The following SGPP1 variants were observed in gnomAD, a reference collection of about 807,000 sequenced individuals.
SGPP1 encodes hSPP1.
Under a neutral mutation model 33.0 loss-of-function variants are expected in SGPP1, and 21 were observed. The observed-to-expected ratio is 0.64, with a 90% CI of 0.45 to 0.92. The LOEUF is 0.92. Among genes scored for constraint, SGPP1 ranks in the 40% least tolerant of loss-of-function variants. The probability of loss-of-function intolerance (pLI) is 0.00; values close to 1 mark genes in which losing one functional copy is unlikely to be tolerated. For synonymous variants in SGPP1, 239 were observed against 241.2 expected (o/e 0.99, Z 0.08); for missense variants, 543 against 589.4 (o/e 0.92, Z 0.81).
chr14:63,727,744 C>G lies in SGPP1; in HGVS notation c.201G>C (p.Gln67His). ...GRQPGAPGGP[Q>H]PPGSDRNQCP... ...ACTGATTGCGGTCGCTCCCGGGAGGCTGGGGGCCTCCAGGCGCCCCTGGCT... is the reference window on the plus strand; with the variant it reads ...ACTGATTGCGGTCGCTCCCGGGAGGGTGGGGGCCTCCAGGCGCCCCTGGCT... Residue 67 changes from glutamine (Q) to histidine (H), a missense_variant, in exon 1 of 3, where the codon CAG becomes CAC. Physicochemically the swap from Gln to His is conservative, Grantham distance 24. Coordinates refer to ENST00000247225, the MANE Select transcript of SGPP1 (RefSeq NM_030791.4). 5 of 1,477,860 alleles carry G rather than the reference C, an allele frequency of 3.4e-6. No individual in the cohort carries two copies. The highest frequency in any genetic ancestry group is 4.5e-6 in the Non-Finnish European group (5 of 1,121,436). 91.5% of individuals were successfully genotyped at this position (1,477,860 alleles called of 1,614,324 possible).
chr14:63,705,820 T>C (rs1479794903), intron 1 of SGPP1, among the ~76,000 whole-genome samples: 1 of 152,234 alleles, frequency 6.6e-6, no homozygotes, highest in Admixed American at 6.5e-5. Flanking sequence ...GGAAGCTTTA[T>C]ACATTGCTGT....
intron 1 of SGPP1, among the ~76,000 whole-genome samples, chr14:63,724,878 T>A (rs1488728293): frequency 1.4e-5 from 2 of 141,784 alleles, no homozygotes; most frequent in African/African-American, 5.3e-5. Flanking sequence ...CGAGACTCCG[T>A]CTTAAAAAAA....
At chr14:63,701,918 CA>C (rs549492142) in intron 1 of SGPP1, among the ~76,000 whole-genome samples, 7,083 of 54,012 alleles carry the variant, frequency 0.13, 162 homozygotes, top group Middle Eastern at 0.22. Context: ...CTGTTGACAG[CA>C]AAAAAAAAAA....
intron 1 of SGPP1, among the ~76,000 whole-genome samples, chr14:63,703,482 G>A (rs1885343139): frequency 4.0e-5 from 6 of 151,796 alleles, no homozygotes; most frequent in Admixed American, 3.9e-4. Context: ...GTGAAACCCT[G>A]TCTCCACTAA....
At chr14:63,693,916 T>C (rs1255418767) in intron 2 of SGPP1, among the ~76,000 whole-genome samples, 1 of 152,240 alleles carries the variant, frequency 6.6e-6, no homozygotes, top group African/African-American at 2.4e-5. Flanking sequence ...TTTTAAATTA[T>C]GTATTTTTTC....
chr14:63,702,701 CTCTG>C (rs966152862), intron 1 of SGPP1, among the ~76,000 whole-genome samples: 1 of 151,788 alleles, frequency 6.6e-6, no homozygotes, highest in African/African-American at 2.4e-5. Context: ...AGAAGTGAGA[CTCTG>C]TCTAAAAAAA....
At chr14:63,695,246 C>T (rs999855392) in intron 2 of SGPP1, among the ~76,000 whole-genome samples, 6 of 151,974 alleles carry the variant, frequency 3.9e-5, no homozygotes, top group Non-Finnish European at 7.4e-5. Flanking sequence ...TTAGTAGAGA[C>T]GGGGTTTCAC....
At chr14:63,690,251 A>G (rs1165993007) in intron 2 of SGPP1, among the ~76,000 whole-genome samples, 2 of 152,134 alleles carry the variant, frequency 1.3e-5, no homozygotes, top group East Asian at 3.8e-4. Context: ...TCATGTTGCC[A>G]AGGCTGGTTT....
Position 63,727,687 on chromosome 14 carries a change from G to T in SGPP1, c.258C>A (p.Pro86=), listed in dbSNP as rs1276225114. 15 of 1,337,088 alleles carry T rather than the reference G, an allele frequency of 1.1e-5. No homozygotes were observed. The highest frequency in any genetic ancestry group is 1.3e-5 in the Non-Finnish European group (14 of 1,049,882). 82.8% of individuals were successfully genotyped at this position (1,337,088 alleles called of 1,614,324 possible). The change falls in exon 1 of 3, where the codon CCC becomes CCA. Residue 86 remains proline, a synonymous_variant. Transcript: ENST00000247225. ...CPAKPDGGGA[P]NGVRNGLAAE... is the part of the protein sequence containing the mutation. ...CCGCCAGCCCGTTCCGCACGCCGTT[G>T]GGGGCGCCGCCGCCGTCCGGCTTGG...
chr14:63,692,362 T>C (rs1329785616), intron 2 of SGPP1, among the ~76,000 whole-genome samples: 1 of 152,178 alleles, frequency 6.6e-6, no homozygotes, highest in Non-Finnish European at 1.5e-5. Flanking sequence ...ACCTCTTACA[T>C]TGAAGGTACT....
intron 1 of SGPP1, among the ~76,000 whole-genome samples, chr14:63,707,115 A>C (rs1411357875): frequency 6.6e-6 from 1 of 151,712 alleles, no homozygotes; most frequent in Non-Finnish European, 1.5e-5. Flanking sequence ...AATATAATTT[A>C]AAACATTCTC....
chr14:63,700,533 ATTC>A, intron 1 of SGPP1, among the ~76,000 whole-genome samples: 1 of 152,316 alleles, frequency 6.6e-6, no homozygotes, highest in South Asian at 2.1e-4. Flanking sequence ...GAATAATTAT[ATTC>A]TTTTCTGGGA....
chr14:63,689,103 A>G (rs1342025973), intron 2 of SGPP1, among the ~76,000 whole-genome samples: 5 of 152,196 alleles, frequency 3.3e-5, no homozygotes, highest in African/African-American at 1.2e-4. Flanking sequence ...TTTATTATAT[A>G]GGATTTGATA....
chr14:63,717,565 G>A (rs1327047886), intron 1 of SGPP1, among the ~76,000 whole-genome samples: 3 of 151,786 alleles, frequency 2.0e-5, no homozygotes, highest in African/African-American at 4.8e-5. Context: ...CTCGTGATCC[G>A]CCAGCCTCGG....
rs1372744548 is a variant in SGPP1 at position 63,686,095 on chromosome 14, T to C, written c.*10A>G. On this transcript the variant is annotated 3_prime_UTR_variant, in exon 3 of 3. Coordinates refer to ENST00000247225, the MANE Select transcript of SGPP1 (RefSeq NM_030791.4). ...TACCCTCCTTTCTTATCATAAACAA[T>C]ACTTCTCCATCAAGAGATACCAATA... 7 of 1,523,618 alleles carry C rather than the reference T, an allele frequency of 4.6e-6. No individual in the cohort carries two copies. Among genetic ancestry groups the C allele is most frequent in the African/African-American group, 1.4e-5 (1 of 72,390 alleles). 94.4% of individuals were successfully genotyped at this position (1,523,618 alleles called of 1,614,324 possible). A position where few individuals can be genotyped will look rare whatever the true frequency, so the allele number is the denominator to read the frequency against.
chr14:63,686,176 T>C lies in SGPP1; in HGVS notation c.1255A>G (p.Thr419Ala). 1 of 1,613,920 alleles carries C rather than the reference T, an allele frequency of 6.2e-7. No individual in the cohort carries two copies. Among genetic ancestry groups the C allele is most frequent in the Non-Finnish European group, 8.5e-7 (1 of 1,179,828 alleles). ...ATGGAGAAACCAACCATTCCATAGGTAATATACCGATAAGGAAGTTCAACT... is the reference window on the plus strand; with the variant it reads ...ATGGAGAAACCAACCATTCCATAGGCAATATACCGATAAGGAAGTTCAACT... ...MEVELPYRYI[T>A]YGMVGFSITF... The change falls in exon 3 of 3, where the codon ACC (threonine) becomes GCC (alanine). Residue 419 changes from threonine (T) to alanine (A), a missense_variant. Coordinates refer to ENST00000247225, the MANE Select transcript of SGPP1 (RefSeq NM_030791.4).
chr14:63,727,279 G>A lies in SGPP1; in HGVS notation c.666C>T (p.Leu222=), dbSNP rs1365529853. The change falls in exon 1 of 3, where the codon CTC becomes CTT. Residue 222 remains leucine, a synonymous_variant. Coordinates refer to ENST00000247225, the MANE Select transcript of SGPP1 (RefSeq NM_030791.4). ...ACCCTACCTGCCAGCGGCCATAGGT[G>A]AGGAGGACCATAGAAATGGGGATGG... ...GTAIPISMVL[L]TYGRWQYPLI... 6.2e-7 allele frequency: 1 copy of A among 1,612,764 alleles called. No homozygotes were observed. Among genetic ancestry groups the A allele is most frequent in the Admixed American group, 1.7e-5 (1 of 59,962 alleles).
intron 2 of SGPP1, among the ~76,000 whole-genome samples, chr14:63,696,868 C>G (rs1479642652): frequency 6.6e-6 from 1 of 152,062 alleles, no homozygotes; most frequent in East Asian, 1.9e-4. Context: ...TGTCTGTAAT[C>G]CCAGCTACTC....
intron 1 of SGPP1, among the ~76,000 whole-genome samples, chr14:63,722,905 G>A (rs1194301035): frequency 2.0e-5 from 3 of 150,956 alleles, no homozygotes; most frequent in South Asian, 4.2e-4. Flanking sequence ...CTGGGAGGTC[G>A]AGGCTGCAGT....
Sources: gnomAD v4.1 joint callset for allele counts (sites outside exome capture counted in the v4.1 genomes callset) on GRCh38, gnomAD v4.1.1 for gene constraint, MANE v1.5 for transcripts, NCBI Gene and HGNC (gene_info 2026-07-23, HGNC 2026-07-21) for gene names.